The following JAZF1 variants were observed in gnomAD, a reference collection of about 807,000 sequenced individuals.
The protein encoded by JAZF1 is JAZF zinc finger 1, also known as juxtaposed with another zinc finger protein 1.
Under a neutral mutation model 26.4 loss-of-function variants are expected in JAZF1, and 8 were observed. That is an observed-to-expected ratio of 0.30 (90% CI 0.18 to 0.55). JAZF1 has a LOEUF of 0.55. JAZF1 is among the 20% of genes least tolerant of loss of function. The probability of loss-of-function intolerance (pLI) is 0.94; values close to 1 mark genes in which losing one functional copy is unlikely to be tolerated. For missense variants in JAZF1, 199 were observed against 322.0 expected, an observed-to-expected ratio of 0.62 and a Z score of 2.92; for synonymous variants, 126 against 122.3, an observed-to-expected ratio of 1.03 and a Z score of -0.20.
chr7:28,151,417 T>A (rs1260201309), intron 1 of JAZF1, among the ~76,000 whole-genome samples: 1 of 151,940 alleles, frequency 6.6e-6, no homozygotes, highest in African/African-American at 2.4e-5. Context: ...GAGGGGGAAT[T>A]TTAAAAATGC....
intron 1 of JAZF1, among the ~76,000 whole-genome samples, chr7:28,093,402 T>G (rs892529520): frequency 1.3e-5 from 2 of 152,218 alleles, no homozygotes; most frequent in Non-Finnish European, 2.9e-5. Flanking sequence ...CCTCCCCAGC[T>G]ACACGGAACT....
At chr7:27,874,720 T>TG (rs1491444738) in intron 3 of JAZF1, among the ~76,000 whole-genome samples, 2 of 434 alleles carry the variant, frequency 4.6e-3, no homozygotes, top group Non-Finnish European at 0.036. Flanking sequence ...TTAATCGAGA[T>TG]CCTTATCTGG....
At chr7:28,173,807 G>C (rs2127955239) in intron 1 of JAZF1, among the ~76,000 whole-genome samples, 1 of 138,386 alleles carries the variant, frequency 7.2e-6, no homozygotes, top group Middle Eastern at 4.0e-3. Flanking sequence ...TCCTGCCAAA[G>C]TTGACAGCAA....
rs145064012 is a variant in JAZF1, at chr7:27,926,020, T to C, written c.189-30604A>G. ...GAAGTGAACCACTCTGCATGAATGA[T>C]AAGGGAGTCCCCAAAGGGGAGTGAT... On this transcript the variant is annotated intron_variant, in intron 2 of 4. Transcript: ENST00000283928. 6.1e-3 allele frequency among the ~76,000 whole-genome samples: 923 copies of C among 152,234 alleles called. 4 individuals are homozygous for C. Among genetic ancestry groups the C allele is most frequent in the Non-Finnish European group, 9.0e-3 (611 of 67,996 alleles).
intron 3 of JAZF1, among the ~76,000 whole-genome samples, chr7:27,857,245 G>A (rs1783282295): frequency 6.6e-6 from 1 of 152,216 alleles, no homozygotes; most frequent in Non-Finnish European, 1.5e-5. Flanking sequence ...CACAGCAGCT[G>A]CTGGCCCAGG....
At chr7:27,954,357 A>G (rs1340948561) in intron 2 of JAZF1, among the ~76,000 whole-genome samples, 1 of 152,196 alleles carries the variant, frequency 6.6e-6, no homozygotes, top group African/African-American at 2.4e-5. Flanking sequence ...GCCTGCCGTC[A>G]TCTGCAGAGG....
chr7:27,841,529 T>A (rs1160215706), intron 3 of JAZF1: 1 of 152,252 alleles, frequency 6.6e-6, no homozygotes, highest in Non-Finnish European at 1.5e-5. Flanking sequence ...GACGAAGCGA[T>A]CCCCTACACA....
intron 3 of JAZF1, among the ~76,000 whole-genome samples, chr7:27,844,991 C>T (rs2128332358): frequency 6.6e-6 from 1 of 152,298 alleles, no homozygotes; most frequent in South Asian, 2.1e-4. Context: ...AGGAGAGGTG[C>T]CGGGTGCCCC....
chr7:27,935,421 TGTC>T (rs915468194), intron 2 of JAZF1, among the ~76,000 whole-genome samples: 1 of 152,156 alleles, frequency 6.6e-6, no homozygotes, highest in Admixed American at 6.5e-5. Flanking sequence ...ACCCTGAAAA[TGTC>T]GTGCTAAATG....
intron 1 of JAZF1, among the ~76,000 whole-genome samples, chr7:28,162,573 G>A (rs1425398724): frequency 2.6e-5 from 4 of 152,204 alleles, no homozygotes; most frequent in Non-Finnish European, 5.9e-5. Context: ...CAAGCTAAAT[G>A]GTAAGATCAT....
intron 2 of JAZF1, among the ~76,000 whole-genome samples, chr7:27,954,209 T>C (rs1458746749): frequency 6.6e-6 from 1 of 152,174 alleles, no homozygotes; most frequent in Non-Finnish European, 1.5e-5. Flanking sequence ...AGGTAAATAC[T>C]TTGGTTAGTG....
rs1583491382 is a variant in JAZF1 at position 27,981,625 on chromosome 7, T to C, written c.188+10284A>G. On this transcript the variant is annotated intron_variant, in intron 2 of 4. Coordinates refer to ENST00000283928, the MANE Select transcript of JAZF1 (RefSeq NM_175061.4). ...ATAAAATGATCTGAAAAATATGAGT[T>C]AAAGTTTTAGTAGCAGTGATACCTG... 2.0e-5 allele frequency among the ~76,000 whole-genome samples: 3 copies of C among 152,358 alleles called. No individual in the cohort carries two copies. The East Asian group carries it at 5.8e-4, about 29-fold the overall frequency.
chr7:28,176,208 A>C (rs774164567), intron 1 of JAZF1, among the ~76,000 whole-genome samples: 1 of 152,220 alleles, frequency 6.6e-6, no homozygotes, highest in African/African-American at 2.4e-5. Flanking sequence ...CTGCCCCTTA[A>C]CTGGGCCCTT....
intron 3 of JAZF1, among the ~76,000 whole-genome samples, chr7:27,884,451 A>T (rs1227788079): frequency 6.6e-6 from 1 of 152,246 alleles, no homozygotes; most frequent in Admixed American, 6.5e-5. Flanking sequence ...TGAGCTTGAT[A>T]AATGTATACA....
chr7:28,055,258 A>T (rs1583534013), intron 1 of JAZF1, among the ~76,000 whole-genome samples: 1 of 152,040 alleles, frequency 6.6e-6, no homozygotes, highest in Admixed American at 6.6e-5. Context: ...AACACATTAA[A>T]ATTCCTGAAG....
At chr7:28,033,577 C>G (rs58935176) in intron 1 of JAZF1, among the ~76,000 whole-genome samples, 21,036 of 152,214 alleles carry the variant, frequency 0.14, 1,726 homozygotes, top group South Asian at 0.24. Context: ...GACCACAGGG[C>G]ACACCCCAGC....
At chr7:27,887,491 C>G (rs768147827) in intron 3 of JAZF1, among the ~76,000 whole-genome samples, 3 of 152,180 alleles carry the variant, frequency 2.0e-5, no homozygotes, top group Non-Finnish European at 4.4e-5. Context: ...TCTTGGCTCA[C>G]TACAACCTCT....
intron 3 of JAZF1, among the ~76,000 whole-genome samples, chr7:27,860,009 G>A (rs371474397): frequency 2.6e-5 from 4 of 152,186 alleles, no homozygotes; most frequent in Non-Finnish European, 5.9e-5. Context: ...TTGAACTGTG[G>A]TGGGAGGAGG....
chr7:27,885,959 T>TA (rs1383582892), intron 3 of JAZF1, among the ~76,000 whole-genome samples: 3 of 152,224 alleles, frequency 2.0e-5, no homozygotes, highest in Non-Finnish European at 4.4e-5. Flanking sequence ...ACATGTGCTA[T>TA]ATAGCTATTT....
Sources: allele counts gnomAD v4.1 joint callset (sites outside exome capture counted in the v4.1 genomes callset), GRCh38; gene constraint gnomAD v4.1.1; transcripts MANE v1.5; gene names NCBI Gene and HGNC (gene_info 2026-07-23, HGNC 2026-07-21).